VPS11: variants seen among roughly 807,000 people sequenced by gnomAD.
VPS11 encodes vacuolar protein sorting-associated protein 11 homolog.
Under a neutral mutation model 106.8 loss-of-function variants are expected in VPS11, and 51 were observed. That is an observed-to-expected ratio of 0.48 (90% CI 0.38 to 0.60). VPS11 has a LOEUF of 0.60. Ranked by LOEUF, VPS11 falls within the 20% of genes least tolerant of loss-of-function variation. The pLI is 0.00. For synonymous variants in VPS11, 453 were observed against 458.7 expected (o/e 0.99, Z 0.16); for missense variants, 950 against 1,190.0 (o/e 0.80, Z 2.97).
rs1355248450 is a variant in VPS11, at chr11:119,079,251, C to G, written c.2389C>G (p.Arg797Gly). The part of the protein sequence containing the change: ...AQDELRVRRY[R>G]EETTRIRQEI... ...GGATGAGCTGCGGGTGCGGCGGTAC[C>G]GAGAGGAGACCACCCGTATCCGCCA... Residue 797 changes from arginine (R) to glycine (G), a missense_variant, in exon 14 of 16, where the codon CGA becomes GGA. By Grantham distance (125) the Arg-to-Gly change is moderately radical (BLOSUM62 -2). This residue lies in a region of VPS11 where 453 missense variants were observed against 514.6 expected (regional missense o/e 0.88). Coordinates refer to ENST00000621676, the MANE Select transcript of VPS11 (RefSeq NM_021729.6). 6.2e-7 allele frequency: 1 copy of G among 1,606,590 alleles called. No homozygotes were observed. Among genetic ancestry groups the G allele is most frequent in the Non-Finnish European group, 8.5e-7 (1 of 1,176,688 alleles).
At chr11:119,080,999 T>G in intron 14 of VPS11, 93 bp from the exon 15 acceptor site, 1 of 1,159,102 alleles carries the variant, frequency 8.6e-7, no homozygotes, top group South Asian at 1.3e-5. Context: ...CCAGGGACCT[T>G]GCCCTGTGCA....
intron 8 of VPS11, 67 bp downstream of exon 8, chr11:119,077,150 T>C: frequency 6.4e-7 from 1 of 1,551,360 alleles, no homozygotes; most frequent in East Asian, 2.4e-5. Context: ...CCACCGGGAC[T>C]TGTTCGTTTC....
rs782231667 is a variant in VPS11 at position 119,078,649 on chromosome 11, T to A, written c.2008T>A (p.Cys670Ser). The A allele has an allele frequency of 3.1e-6, 5 of 1,613,604 alleles. No individual in the cohort carries two copies. In the African/African-American group the frequency reaches 5.3e-5, roughly 17 times the overall value. The change falls in exon 12 of 16, where the codon TGC (cysteine) becomes AGC (serine). Residue 670 changes from cysteine to serine, a missense_variant. Physicochemically the swap from Cys to Ser is moderately radical, Grantham distance 112. Coordinates refer to ENST00000621676, the MANE Select transcript of VPS11 (RefSeq NM_021729.6). ...CGTCTTTGACAAGGCCCTGGTCCTG[T>A]GCCAGATGCACGACTTCCAGGATGG... ...CDVFDKALVLCQMHDFQDGVL... is the reference protein window; with the variant it reads ...CDVFDKALVLSQMHDFQDGVL...
chr11:119,074,868 G>GAC (rs1052713451), intron 7 of VPS11, among the ~76,000 whole-genome samples: 8 of 152,096 alleles, frequency 5.3e-5, no homozygotes, highest in Admixed American at 3.9e-4. Context: ...TATTCACTTT[G>GAC]ACCTGGTTCT....
chr11:119,079,212 C>T lies in VPS11; in HGVS notation c.2350C>T (p.Gln784Ter). ...YLVQKLQKQS[Q>*]QIAQDELRVR... ...GGTCCAAAAACTACAGAAACAGAGCCAGCAGATTGCACAGGATGAGCTGCG... is the reference window on the plus strand; with the variant it reads ...GGTCCAAAAACTACAGAAACAGAGCTAGCAGATTGCACAGGATGAGCTGCG... The change falls in exon 14 of 16, where the codon CAG (glutamine) becomes TAG (stop). Residue 784 changes from glutamine to a stop codon, truncating the protein, a stop_gained. Coordinates refer to ENST00000621676, the MANE Select transcript of VPS11 (RefSeq NM_021729.6). LOFTEE classifies it high-confidence loss of function. 1 of 1,613,028 alleles carries T rather than the reference C, an allele frequency of 6.2e-7. No homozygotes were observed. The highest frequency in any genetic ancestry group is 8.5e-7 in the Non-Finnish European group (1 of 1,179,478).
chr11:119,080,404 T>C (rs926155858), intron 14 of VPS11, among the ~76,000 whole-genome samples: 2 of 151,216 alleles, frequency 1.3e-5, no homozygotes, highest in African/African-American at 4.9e-5. Flanking sequence ...GTCTCGCTCT[T>C]GTCCCCCACG....
rs1592176896 is a variant in VPS11 at position 119,069,088 on chromosome 11, GGAAAATCCTT to G, written c.188-101_188-92del. ...CTCTTTTTAAGATAAGGAGTATGTG[GGAAAATCCTT>G]GAAAATTTTAGAGTTATATACATGT... On this transcript the variant is annotated intron_variant, in intron 1 of 15. Coordinates refer to ENST00000621676, the MANE Select transcript of VPS11 (RefSeq NM_021729.6). The G allele has an allele frequency of 1.1e-5, 16 of 1,435,772 alleles. No homozygotes were observed. In the East Asian group the frequency reaches 3.9e-4, roughly 35 times the overall value. The allele number at this position is 1,435,772 out of a possible 1,614,324, so 88.9% of individuals were successfully genotyped here.
chr11:119,070,479 G>A (rs878951184), intron 4 of VPS11, 82 bp downstream of exon 4: 2 of 1,362,140 alleles, frequency 1.5e-6, no homozygotes, highest in South Asian at 3.6e-5. Context: ...GAAGTGACAG[G>A]AAAGGTGGGA....
In VPS11 at chr11:119,073,814, G is replaced by A. The variant is rs782612675; in HGVS notation, c.1101G>A (p.Lys367=). 1 of 1,610,524 alleles carries A rather than the reference G, an allele frequency of 6.2e-7. No individual in the cohort carries two copies. Among genetic ancestry groups the A allele is most frequent in the Non-Finnish European group, 8.5e-7 (1 of 1,176,910 alleles). ...TTCCCTTCTAGATGCTGTTTAAGAAGAACCTATTTGAGATGGCGATTAACC... is the reference window on the plus strand; with the variant it reads ...TTCCCTTCTAGATGCTGTTTAAGAAAAACCTATTTGAGATGGCGATTAACC... ...TQTKLEMLFK[K]NLFEMAINLA... is the part of the protein sequence containing the mutation. Residue 367 remains lysine, a synonymous_variant, in exon 7 of 16, where the codon AAG becomes AAA. Coordinates refer to ENST00000621676, the MANE Select transcript of VPS11 (RefSeq NM_021729.6).
At chr11:119,072,178 C>T in intron 5 of VPS11, 1 of 256,038 alleles carries the variant, frequency 3.9e-6, no homozygotes, top group East Asian at 8.8e-5. Flanking sequence ...GTTGGCCAGG[C>T]TGGTGTCAGA....
chr11:119,073,156 C>A (rs189019969), intron 5 of VPS11, 42 bp from the exon 6 acceptor site: 1 of 1,570,540 alleles, frequency 6.4e-7, no homozygotes, highest in Non-Finnish European at 8.7e-7. Flanking sequence ...GGAGATAAGA[C>A]AGAGATGTCC....
chr11:119,077,024 C>T lies in VPS11; in HGVS notation c.1366C>T (p.Leu456=). The stretch of plus-strand genomic sequence containing the variant: ...CCTGGCCAATGCCGACCATACCACC[C>T]TGCTCCTCAACTGCTATACCAAGCT... ...QSLANADHTT[L]LLNCYTKLKD... Residue 456 remains leucine (L), a synonymous_variant, in exon 8 of 16, where the codon CTG becomes TTG. Coordinates refer to ENST00000621676, the MANE Select transcript of VPS11 (RefSeq NM_021729.6). The T allele has an allele frequency of 1.9e-6, 3 of 1,613,862 alleles. No individual in the cohort carries two copies. The highest frequency in any genetic ancestry group is 2.7e-5 in the African/African-American group (2 of 75,068).
chr11:119,079,134 C>T lies in VPS11; in HGVS notation c.2272C>T (p.Gln758Ter). Residue 758 changes from glutamine to a stop codon, truncating the protein, a stop_gained, in exon 14 of 16, where the codon CAG (glutamine) becomes TAG (stop). Transcript: ENST00000621676. LOFTEE classifies it high-confidence loss of function. ...CTCTTGGACCCCAATCTCAGTGGTG[C>T]AGACCCTGGCCCACAACTCCACAGC... ...KNLMPPLLVV[Q>*]TLAHNSTATL... The T allele has an allele frequency of 6.2e-7, 1 of 1,613,716 alleles. No homozygotes were observed. The highest frequency in any genetic ancestry group is 8.5e-7 in the Non-Finnish European group (1 of 1,179,744).
chr11:119,070,376 T>G lies in VPS11; in HGVS notation c.615T>G (p.Val205=). ...CAGGAAAGACCACTCACTTGTTTGT[T>G]GTGACAACAGAGAACGTCCAGGTAT... The part of the protein sequence containing the change: ...RQAGKTTHLF[V]VTTENVQSYI... Residue 205 remains valine, a synonymous_variant, in exon 4 of 16, where the codon GTT becomes GTG. Coordinates refer to ENST00000621676, the MANE Select transcript of VPS11 (RefSeq NM_021729.6). 1 of 1,613,188 alleles carries G rather than the reference T, an allele frequency of 6.2e-7. No individual in the cohort carries two copies. Among genetic ancestry groups the G allele is most frequent in the South Asian group, 1.1e-5 (1 of 90,898 alleles).
chr11:119,078,300 G>T lies in VPS11; in HGVS notation c.1889G>T (p.Arg630Leu). Residue 630 changes from arginine (R) to leucine (L), a missense_variant, in exon 11 of 16, where the codon CGA becomes CTA. Arg to Leu is a moderately radical substitution (Grantham distance 102, BLOSUM62 -2). Around this residue, in one of 3 missense-constraint regions of VPS11, gnomAD observed 453 missense variants for 514.6 expected, o/e 0.88. Transcript: ENST00000621676. The part of the protein sequence containing the change: ...QGIYDTLLEL[R>L]LQNWAHEKDP... ...ATCTACGACACACTCCTTGAGCTGC[G>T]ACTGCAGAACTGGGCCCACGAGAAG... The T allele has an allele frequency of 6.2e-7, 1 of 1,612,666 alleles. No individual in the cohort carries two copies.
In VPS11 at chr11:119,081,264, A is replaced by G. The variant is rs781845798; in HGVS notation, c.2611A>G (p.Ile871Val). The G allele has an allele frequency of 6.2e-7, 1 of 1,613,858 alleles. No homozygotes were observed. The highest frequency in any genetic ancestry group is 8.5e-7 in the Non-Finnish European group (1 of 1,179,872). ...LPENRKVMDM[I>V]RAQEQKRDLH... The stretch of plus-strand genomic sequence containing the variant: ...TGAAAACCGGAAGGTCATGGATATG[A>G]TCCGGGCCCAGGAACAGAAACGAGA... The change falls in exon 15 of 16, where the codon ATC becomes GTC. Residue 871 changes from isoleucine to valine, a missense_variant. Ile to Val is a conservative substitution (Grantham distance 29, BLOSUM62 3). Transcript: ENST00000621676.
chr11:119,076,451 G>T (rs1430222162), intron 7 of VPS11, among the ~76,000 whole-genome samples: 1 of 151,120 alleles, frequency 6.6e-6, no homozygotes, highest in Non-Finnish European at 1.5e-5. Context: ...GCTTGATCCT[G>T]GGAGGCAGAG....
chr11:119,073,052 G>C, intron 5 of VPS11, 146 bp from the exon 6 acceptor site: 1 of 854,834 alleles, frequency 1.2e-6, no homozygotes, highest in Admixed American at 2.3e-5. Flanking sequence ...ACAACTACCG[G>C]CACAGCGCTG....
intron 14 of VPS11, among the ~76,000 whole-genome samples, chr11:119,079,699 C>G (rs1043250429): frequency 6.6e-6 from 1 of 152,160 alleles, no homozygotes; most frequent in African/African-American, 2.4e-5. Context: ...CCTCAGCCTC[C>G]CAAGTAGCTG....
Sources: allele counts gnomAD v4.1 joint callset (sites outside exome capture counted in the v4.1 genomes callset), GRCh38; gene constraint gnomAD v4.1.1; regional missense constraint gnomAD v4.1.1; transcripts MANE v1.5; gene names NCBI Gene and HGNC (gene_info 2026-07-23, HGNC 2026-07-21).